Variants in TYW1 observed in about 807,000 individuals in gnomAD.
TYW1 encodes the protein tRNA-yW synthesizing protein 1 homolog, also known as S-adenosyl-L-methionine-dependent tRNA 4-demethylwyosine synthase TYW1.
A neutral mutation model predicts 96.2 loss-of-function variants in TYW1; 46 were observed. The ratio of observed to expected loss-of-function variants is 0.48; its 90% CI spans 0.38 to 0.61. The LOEUF is 0.61. TYW1 is among the 20% of genes least tolerant of loss of function. The probability of loss-of-function intolerance (pLI) is 0.00; values close to 1 mark genes in which losing one functional copy is unlikely to be tolerated. For missense variants in TYW1, 684 were observed against 909.6 expected (o/e 0.75, Z 3.19); for synonymous variants, 274 against 323.0 (o/e 0.85, Z 1.63).
chr7:67,094,780 C>T (rs570796982), intron 11 of TYW1, among the ~76,000 whole-genome samples: 3 of 151,864 alleles, frequency 2.0e-5, no homozygotes, highest in African/African-American at 7.2e-5. Context: ...GAGCTCTGAA[C>T]TAGGAGATCC....
chr7:67,227,415 C>G (rs1226543282), intron 15 of TYW1, among the ~76,000 whole-genome samples: 2 of 152,188 alleles, frequency 1.3e-5, no homozygotes, highest in East Asian at 1.9e-4. Flanking sequence ...CACCACCACA[C>G]CCGGCTAATT....
At chr7:67,050,500 T>G (rs1273963896) in intron 8 of TYW1, among the ~76,000 whole-genome samples, 1 of 152,074 alleles carries the variant, frequency 6.6e-6, no homozygotes, top group Non-Finnish European at 1.5e-5. Context: ...AAAATGGGAA[T>G]CAGTAGACCG....
At chr7:67,225,690 A>G (rs73144526) in intron 15 of TYW1, among the ~76,000 whole-genome samples, 38,214 of 148,106 alleles carry the variant, frequency 0.26, 5,352 homozygotes, top group African/African-American at 0.35. Context: ...GAGAAATATC[A>G]GAGGAAATTG....
At chr7:67,226,751 G>A (rs1026980678) in intron 15 of TYW1, among the ~76,000 whole-genome samples, 1 of 152,144 alleles carries the variant, frequency 6.6e-6, no homozygotes, top group African/African-American at 2.4e-5. Flanking sequence ...AACCCACTGG[G>A]TGGTTTCAGT....
chr7:67,221,266 T>C (rs933855309), intron 15 of TYW1, among the ~76,000 whole-genome samples: 1 of 152,248 alleles, frequency 6.6e-6, no homozygotes, highest in Non-Finnish European at 1.5e-5. Flanking sequence ...CATAACCTTT[T>C]TAATTCAAAG....
intron 11 of TYW1, among the ~76,000 whole-genome samples, chr7:67,087,797 G>GTGTA (rs1444261069): frequency 6.6e-6 from 1 of 152,090 alleles, no homozygotes; most frequent in Non-Finnish European, 1.5e-5. Flanking sequence ...GGTGCGGAGG[G>GTGTA]TGTAGATGGG....
At chr7:67,107,804 G>T (rs1421496189) in intron 12 of TYW1, among the ~76,000 whole-genome samples, 1 of 149,470 alleles carries the variant, frequency 6.7e-6, no homozygotes, top group Non-Finnish European at 1.5e-5. Context: ...GTGCTCAAGT[G>T]ATCCTCCCAC....
At chr7:67,163,787 G>A (rs1176081561) in intron 13 of TYW1, among the ~76,000 whole-genome samples, 1 of 151,694 alleles carries the variant, frequency 6.6e-6, no homozygotes, top group Non-Finnish European at 1.5e-5. Flanking sequence ...TCATGCCTCA[G>A]CCTTCTGAGT....
chr7:67,185,637 C>T (rs1799994474), intron 14 of TYW1, among the ~76,000 whole-genome samples: 1 of 151,846 alleles, frequency 6.6e-6, no homozygotes, highest in African/African-American at 2.4e-5. Flanking sequence ...ATGTTGAGCT[C>T]CCTGTTGGCA....
At chr7:67,158,368 G>A (rs1446571958) in intron 13 of TYW1, among the ~76,000 whole-genome samples, 2 of 152,080 alleles carry the variant, frequency 1.3e-5, no homozygotes, top group African/African-American at 2.4e-5. Context: ...GATCACAGGC[G>A]TGAGCCACCA....
intron 7 of TYW1, among the ~76,000 whole-genome samples, chr7:67,045,216 T>A (rs897807110): frequency 3.9e-5 from 6 of 152,070 alleles, no homozygotes; most frequent in Admixed American, 3.9e-4. Flanking sequence ...TTTTTAAATT[T>A]TTTTTATTTT....
intron 12 of TYW1, among the ~76,000 whole-genome samples, chr7:67,111,140 C>T (rs1797393586): frequency 2.0e-5 from 3 of 152,012 alleles, no homozygotes; most frequent in Admixed American, 6.6e-5. Context: ...GTTGGACTTA[C>T]TAGACAAAGA....
chr7:67,095,669 C>G (rs1363924358), intron 11 of TYW1, among the ~76,000 whole-genome samples: 1 of 126,250 alleles, frequency 7.9e-6, no homozygotes, highest in East Asian at 2.1e-4. Context: ...AAAACAACAA[C>G]AACAACAACA....
chr7:67,048,343 A>G (rs944248867), intron 7 of TYW1, among the ~76,000 whole-genome samples: 1 of 151,000 alleles, frequency 6.6e-6, no homozygotes, highest in African/African-American at 2.4e-5. Flanking sequence ...GACATTTAAA[A>G]TAGACAGGGA....
chr7:67,186,265 T>TTCCCCC (rs1563061300), intron 14 of TYW1, among the ~76,000 whole-genome samples: 1 of 68,322 alleles, frequency 1.5e-5, no homozygotes, highest in African/African-American at 6.5e-5. Context: ...CTTCCTTTCT[T>TTCCCCC]CCCCCCCGCC....
In TYW1 at chr7:67,238,485, A is replaced by G; in HGVS notation, c.2155A>G (p.Arg719Gly). The change falls in exon 16 of 16, where the codon AGA (arginine) becomes GGA (glycine). Residue 719 changes from arginine (R) to glycine (G), a missense_variant. Coordinates refer to ENST00000359626, the MANE Select transcript of TYW1 (RefSeq NM_018264.4). ...AAGAGGCTTTGATCCCAAGGACACAAGACATCAGAGAAAGAACAAATCAAA... is the reference window on the plus strand; with the variant it reads ...AAGAGGCTTTGATCCCAAGGACACAGGACATCAGAGAAAGAACAAATCAAA... ...SERGFDPKDTRHQRKNKSKAI... is the reference protein window; with the variant it reads ...SERGFDPKDTGHQRKNKSKAI... 6.2e-7 allele frequency: 1 copy of G among 1,614,028 alleles called. No homozygotes were observed.
chr7:67,018,801 C>T (rs894832898), intron 6 of TYW1, among the ~76,000 whole-genome samples: 18 of 151,374 alleles, frequency 1.2e-4, no homozygotes, highest in African/African-American at 4.4e-4. Flanking sequence ...ACTAAAAATA[C>T]AAAAATTAGC....
intron 13 of TYW1, among the ~76,000 whole-genome samples, chr7:67,161,207 G>A (rs1247715328): frequency 6.6e-6 from 1 of 152,130 alleles, no homozygotes; most frequent in Non-Finnish European, 1.5e-5. Context: ...GGTCTTGCCT[G>A]TGCTTATCCT....
chr7:67,121,251 G>T (rs1797750372), intron 13 of TYW1, among the ~76,000 whole-genome samples: 1 of 152,184 alleles, frequency 6.6e-6, no homozygotes, highest in African/African-American at 2.4e-5. Context: ...AAACTCAAAT[G>T]CTGGCTGGGC....
Sources: allele counts gnomAD v4.1 joint callset (sites outside exome capture counted in the v4.1 genomes callset), GRCh38; gene constraint gnomAD v4.1.1; transcripts MANE v1.5; gene names NCBI Gene and HGNC (gene_info 2026-07-23, HGNC 2026-07-21).